Variants in HNRNPUL1 observed in about 807,000 individuals in gnomAD.
HNRNPUL1 encodes the protein heterogeneous nuclear ribonucleoprotein U-like protein 1.
A neutral mutation model predicts 108.5 loss-of-function variants in HNRNPUL1; 14 were observed. The observed-to-expected ratio is 0.13, with a 90% CI of 0.09 to 0.20. The LOEUF is 0.20. Among genes scored for constraint, HNRNPUL1 ranks in the 10% least tolerant of loss-of-function variants. The pLI is 1.00. For synonymous variants in HNRNPUL1, 422 were observed against 445.2 expected (o/e 0.95, Z 0.66); for missense variants, 804 against 1,168.3 (o/e 0.69, Z 4.55).
rs1420449926 is a variant in HNRNPUL1, at chr19:41,276,272, A to G, written c.760A>G (p.Arg254Gly). Residue 254 changes from arginine to glycine, a missense_variant, in exon 5 of 15, where the codon AGG becomes GGG. By Grantham distance (125) the Arg-to-Gly change is moderately radical. Transcript: ENST00000392006. ...SGARASYGVR[R>G]GRVCFEMKIN... Reference sequence around the variant, plus strand: ...AGCCCGTGCCAGCTATGGGGTCAGAAGGGGCCGTGTATGCTTCGAGATGAA... The same window carrying G: ...AGCCCGTGCCAGCTATGGGGTCAGAGGGGGCCGTGTATGCTTCGAGATGAA... 6.2e-7 allele frequency: 1 copy of G among 1,611,662 alleles called. No individual in the cohort carries two copies. Among genetic ancestry groups the G allele is most frequent in the East Asian group, 2.2e-5 (1 of 44,760 alleles).
At chr19:41,274,427 C>T (rs1247755366) in intron 4 of HNRNPUL1, among the ~76,000 whole-genome samples, 1 of 152,208 alleles carries the variant, frequency 6.6e-6, no homozygotes, top group South Asian at 2.1e-4. Context: ...CTGAGTGCAG[C>T]TGGGGAAACT....
chr19:41,297,122 A>G lies in HNRNPUL1; in HGVS notation c.1518+2436A>G, dbSNP rs185322032. 2.0e-4 allele frequency among the ~76,000 whole-genome samples: 30 copies of G among 152,360 alleles called. No individual in the cohort carries two copies. In the Middle Eastern group the frequency reaches 0.01, roughly 52 times the overall value. ...CCTTTTGAGATGATGTGGGCATCAC[A>G]GCTGTGGAACATCAGAAGAGGAAAA... On this transcript the variant is annotated intron_variant, in intron 10 of 14. Coordinates refer to ENST00000392006, the MANE Select transcript of HNRNPUL1 (RefSeq NM_007040.6).
intron 1 of HNRNPUL1, among the ~76,000 whole-genome samples, chr19:41,267,616 G>T (rs1055598227): frequency 7.9e-5 from 12 of 152,180 alleles, no homozygotes; most frequent in African/African-American, 1.9e-4. Context: ...GAAGGAATCC[G>T]ATCAGTTAGC....
chr19:41,280,913 C>T (rs993463880), intron 6 of HNRNPUL1: 4 of 393,286 alleles, frequency 1.0e-5, no homozygotes, highest in Admixed American at 3.6e-5. Flanking sequence ...TCAAATTCTC[C>T]CCTCTGTGCA....
At chr19:41,268,196 A>G in intron 1 of HNRNPUL1, 27 bp from the exon 2 acceptor site, 1 of 1,610,222 alleles carries the variant, frequency 6.2e-7, no homozygotes, top group Non-Finnish European at 8.5e-7. Flanking sequence ...CGCCCCTCTA[A>G]TTGGCCATTT....
chr19:41,271,972 A>G, intron 2 of HNRNPUL1, 110 bp from the exon 3 acceptor site: 3 of 1,245,750 alleles, frequency 2.4e-6, no homozygotes, highest in Non-Finnish European at 2.2e-6. Context: ...CCAGCCCTTC[A>G]TCACTGTAGT....
In HNRNPUL1 at chr19:41,266,827, G is replaced by A. The variant is rs915937717; in HGVS notation, c.296-1396G>A. ...AGGGAGGAGTGTGGATTTGGGGTAG[G>A]CAGTGGCCTAGAGATTATCGAGGAC... On this transcript the variant is annotated intron_variant, in intron 1 of 14. Transcript: ENST00000392006. Among the ~76,000 whole-genome samples, 5 of 152,120 alleles carry A rather than the reference G, an allele frequency of 3.3e-5. No homozygotes were observed. The South Asian group carries it at 1.0e-3, about 32-fold the overall frequency.
rs78933687 is a variant in HNRNPUL1 at position 41,297,828 on chromosome 19, C to T, written c.1518+3142C>T. Among the ~76,000 whole-genome samples, 198 of 152,276 alleles carry T rather than the reference C, an allele frequency of 1.3e-3. 2 individuals are homozygous for T. In the East Asian group the frequency reaches 0.029, roughly 22 times the overall value. ...TCCTGGTCAGCAGGTGCCACACTTT[C>T]GCCTGAAACAGAAACCCAGGGCTAG... On this transcript the variant is annotated intron_variant, in intron 10 of 14. Coordinates refer to ENST00000392006, the MANE Select transcript of HNRNPUL1 (RefSeq NM_007040.6).
intron 7 of HNRNPUL1, among the ~76,000 whole-genome samples, chr19:41,283,464 G>T (rs974041832): frequency 2.0e-5 from 3 of 151,610 alleles, no homozygotes; most frequent in African/African-American, 7.3e-5. Flanking sequence ...TTTTTTGTTT[G>T]TTTTGTTTTG....
In HNRNPUL1 at chr19:41,294,791, G is replaced by T; in HGVS notation, c.1518+105G>T. On this transcript the variant is annotated intron_variant, in intron 10 of 14. Coordinates refer to ENST00000392006, the MANE Select transcript of HNRNPUL1 (RefSeq NM_007040.6). This position sits in a 1 kb window ranked among gnomAD's most constrained non-coding sequence, Gnocchi z 4.3. ...TCTTTTTTCCCCCGTAATGATGATGGACTGCTGTGCTAGTCGGGGGGGTCA... is the reference window on the plus strand; with the variant it reads ...TCTTTTTTCCCCCGTAATGATGATGTACTGCTGTGCTAGTCGGGGGGGTCA... 7.2e-7 allele frequency: 1 copy of T among 1,379,688 alleles called. No homozygotes were observed. Among genetic ancestry groups the T allele is most frequent in the Non-Finnish European group, 1.0e-6 (1 of 984,480 alleles). 85.5% of individuals were successfully genotyped at this position (1,379,688 alleles called of 1,614,324 possible).
intron 4 of HNRNPUL1, among the ~76,000 whole-genome samples, chr19:41,275,934 C>G (rs1225266022): frequency 1.3e-5 from 2 of 152,128 alleles, no homozygotes; most frequent in African/African-American, 4.8e-5. Context: ...GAAACCCTAT[C>G]TCTACTAAAA....
Position 41,292,291 on chromosome 19 carries a change from G to C in HNRNPUL1, c.1046G>C (p.Gly349Ala). The C allele has an allele frequency of 6.2e-7, 1 of 1,614,212 alleles. No homozygotes were observed. Among genetic ancestry groups the C allele is most frequent in the Non-Finnish European group, 8.5e-7 (1 of 1,180,046 alleles). The change falls in exon 8 of 15, where the codon GGA becomes GCA. Residue 349 changes from glycine to alanine, a missense_variant. By Grantham distance (60) the Gly-to-Ala change is moderately conservative (BLOSUM62 0). This residue lies in a region of HNRNPUL1 where 174 missense variants were observed against 296.6 expected (regional missense o/e 0.59). Coordinates refer to ENST00000392006, the MANE Select transcript of HNRNPUL1 (RefSeq NM_007040.6). The surrounding 1 kb of genome is among the most constrained non-coding windows in gnomAD (Gnocchi z 4.1). ...GTGGAACTGTCTTTTACCAAGAATG[G>C]AAAGTGGATGGGCATTGCTTTCCGA... Reference protein sequence around the residue: ...NDVELSFTKNGKWMGIAFRIQ... With the variant: ...NDVELSFTKNAKWMGIAFRIQ...
chr19:41,274,606 A>G (rs2035436719), intron 4 of HNRNPUL1, among the ~76,000 whole-genome samples: 3 of 152,118 alleles, frequency 2.0e-5, no homozygotes, highest in Admixed American at 2.0e-4. Flanking sequence ...GCATCTGAGC[A>G]TTTGGAGGAA....
chr19:41,306,038 G>A (rs939743685), intron 14 of HNRNPUL1, among the ~76,000 whole-genome samples, 171 bp downstream of exon 14: 1 of 152,184 alleles, frequency 6.6e-6, no homozygotes, highest in Admixed American at 6.5e-5. Flanking sequence ...TGCACTGGTT[G>A]CTAGGTAATT....
At chr19:41,272,556 T>C (rs1366106898) in intron 3 of HNRNPUL1, among the ~76,000 whole-genome samples, 1 of 152,148 alleles carries the variant, frequency 6.6e-6, no homozygotes, top group Admixed American at 6.5e-5. Flanking sequence ...ATGAAAGAAA[T>C]ATCTGTTTCC....
chr19:41,267,415 C>A (rs1185365334), intron 1 of HNRNPUL1, among the ~76,000 whole-genome samples: 1 of 152,148 alleles, frequency 6.6e-6, no homozygotes. Flanking sequence ...GCCCCATATT[C>A]CAATTAAGGA....
At position 41,292,232 on chromosome 19, in the gene HNRNPUL1, CT is replaced by C. The variant is rs1568450012; in HGVS notation, c.1000-8del. The C allele has an allele frequency of 6.2e-7, 1 of 1,612,744 alleles. No individual in the cohort carries two copies. Among genetic ancestry groups the C allele is most frequent in the Non-Finnish European group, 8.5e-7 (1 of 1,178,866 alleles). On this transcript the variant is annotated splice_polypyrimidine_tract_variant and intron_variant, in intron 7 of 14. Transcript: ENST00000392006. This position sits in a 1 kb window ranked among gnomAD's most constrained non-coding sequence, Gnocchi z 4.1. ...AGAGTTGGCAATCATATTCCTTTGG[CT>C]TTTTCTCCTAGGATTTTGAATGTGG...
At chr19:41,276,115 AC>A (rs1477553764) in intron 4 of HNRNPUL1, 43 bp from the exon 5 acceptor site, 2 of 1,613,028 alleles carry the variant, frequency 1.2e-6, no homozygotes, top group African/African-American at 2.7e-5. Context: ...AGAAAACAAA[AC>A]AAAATAAAAA....
At chr19:41,293,793 A>G (rs2036729354) in intron 8 of HNRNPUL1, among the ~76,000 whole-genome samples, 1 of 152,134 alleles carries the variant, frequency 6.6e-6, no homozygotes. Context: ...TGAGTATAGG[A>G]GTTTGAGACC....
Sources: gnomAD v4.1 joint callset for allele counts (sites outside exome capture counted in the v4.1 genomes callset) on GRCh38, gnomAD v4.1.1 for gene constraint, gnomAD v4.1.1 regional missense constraint, Gnocchi (gnomAD v3.1) non-coding constraint, MANE v1.5 for transcripts, NCBI Gene and HGNC (gene_info 2026-07-23, HGNC 2026-07-21) for gene names.